ABCB5: variants seen among roughly 807,000 people sequenced by gnomAD.
The protein encoded by ABCB5 is ATP binding cassette subfamily B member 5, also known as ATP-binding cassette sub-family B member 5.
In ABCB5, 155 loss-of-function variants were observed where a neutral mutation model predicts 144.2. The ratio of observed to expected loss-of-function variants is 1.08; its 90% CI spans 0.94 to 1.23. The LOEUF (loss-of-function observed/expected upper bound fraction) is 1.23. ABCB5 is among the 50% of genes most tolerant of loss of function. The pLI is 0.00. For synonymous variants in ABCB5, 610 were observed against 528.6 expected (o/e 1.15, Z -2.11); for missense variants, 1,830 against 1,520.8 (o/e 1.20, Z -3.38).
intron 5 of ABCB5, among the ~76,000 whole-genome samples, chr7:20,635,688 T>C (rs966593745): frequency 2.6e-5 from 4 of 152,134 alleles, no homozygotes; most frequent in Admixed American, 6.6e-5. Flanking sequence ...GATTTCTTGA[T>C]TTGATTCTCA....
chr7:20,718,618 G>C (rs554160537), intron 20 of ABCB5, among the ~76,000 whole-genome samples: 4 of 152,288 alleles, frequency 2.6e-5, no homozygotes, highest in South Asian at 4.1e-4. Flanking sequence ...CCCTGGGGGG[G>C]AGGGAGGATT....
intron 19 of ABCB5, among the ~76,000 whole-genome samples, chr7:20,701,589 A>G (rs1786629390): frequency 6.6e-6 from 1 of 152,182 alleles, no homozygotes; most frequent in Non-Finnish European, 1.5e-5. Context: ...TTGATGGTTA[A>G]TACTGGACAT....
At chr7:20,748,736 G>A (rs910141239) in intron 26 of ABCB5, among the ~76,000 whole-genome samples, 3 of 150,788 alleles carry the variant, frequency 2.0e-5, no homozygotes, top group Non-Finnish European at 4.4e-5. Context: ...CCAAATACAT[G>A]GCCACAGTGG....
chr7:20,702,153 G>A (rs1251325806), intron 19 of ABCB5, among the ~76,000 whole-genome samples: 3 of 152,184 alleles, frequency 2.0e-5, no homozygotes, highest in African/African-American at 7.2e-5. Context: ...TGAAAAGAAT[G>A]TTCTAAGTGT....
chr7:20,646,926 A>G (rs539464389), intron 9 of ABCB5, among the ~76,000 whole-genome samples: 2 of 152,286 alleles, frequency 1.3e-5, no homozygotes, highest in African/African-American at 4.8e-5. Flanking sequence ...TTGCTCCTCA[A>G]TTTATGTGTG....
Position 20,676,125 on chromosome 7 carries a change from TA to T in ABCB5, c.1708-5375del, listed in dbSNP as rs1268379249. On this transcript the variant is annotated intron_variant, in intron 14 of 27. Transcript: ENST00000404938. ...ACAGTATGGAGGTTCCAGAAATAATTAAAAATAGAATTACCATGTGACCCAG... is the reference window on the plus strand; with the variant it reads ...ACAGTATGGAGGTTCCAGAAATAATTAAAATAGAATTACCATGTGACCCAG... Among the ~76,000 whole-genome samples, 19 of 150,062 alleles carry T rather than the reference TA, an allele frequency of 1.3e-4. 1 individual carries two copies. The South Asian group carries it at 2.5e-3, about 20-fold the overall frequency.
At chr7:20,656,566 T>C (rs931512324) in intron 13 of ABCB5, among the ~76,000 whole-genome samples, 1 of 152,182 alleles carries the variant, frequency 6.6e-6, no homozygotes, top group Non-Finnish European at 1.5e-5. Context: ...TGAGATACCA[T>C]TTTACACTCT....
intron 5 of ABCB5, among the ~76,000 whole-genome samples, chr7:20,640,844 AC>A (rs1339740500): frequency 6.6e-6 from 1 of 151,996 alleles, no homozygotes; most frequent in Non-Finnish European, 1.5e-5. Flanking sequence ...TTGGTACTTC[AC>A]TCTCCTGGAT....
intron 20 of ABCB5, among the ~76,000 whole-genome samples, chr7:20,717,339 G>T (rs1781706923): frequency 6.6e-6 from 1 of 151,924 alleles, no homozygotes; most frequent in Non-Finnish European, 1.5e-5. Flanking sequence ...GCACGATTGG[G>T]TTTTACTCCG....
In ABCB5 at chr7:20,640,673, A is replaced by G. The variant is rs372229867; in HGVS notation, c.315-2511A>G. 5.9e-5 allele frequency among the ~76,000 whole-genome samples: 9 copies of G among 152,354 alleles called. No individual in the cohort carries two copies. In the East Asian group the frequency reaches 1.2e-3, roughly 20 times the overall value. On this transcript the variant is annotated intron_variant, in intron 5 of 27. Transcript: ENST00000404938. ...AGGCAGAGTACGTGTGCATCAGGCA[A>G]ACCAAATTTTTGGCCACTCTGTGCA...
intron 14 of ABCB5, among the ~76,000 whole-genome samples, chr7:20,679,036 T>A (rs549927187): frequency 2.0e-5 from 3 of 152,024 alleles, no homozygotes; most frequent in Non-Finnish European, 2.9e-5. Context: ...AGGTAAAACA[T>A]AGGAAAACAT....
At chr7:20,748,898 C>T (rs918335698) in intron 26 of ABCB5, among the ~76,000 whole-genome samples, 1 of 152,114 alleles carries the variant, frequency 6.6e-6, no homozygotes, top group African/African-American at 2.4e-5. Flanking sequence ...TTTTAATTCT[C>T]TCCAAGAATT....
At chr7:20,737,470 G>A (rs1174843742) in intron 23 of ABCB5, among the ~76,000 whole-genome samples, 1 of 152,116 alleles carries the variant, frequency 6.6e-6, no homozygotes, top group African/African-American at 2.4e-5. Context: ...ATTTTCAGAG[G>A]GACCTAACAA....
rs144309913 is a variant in ABCB5 at position 20,686,063 on chromosome 7, A to C, written c.2010+227A>C. Among the ~76,000 whole-genome samples the C allele has an allele frequency of 2.9e-3, 435 of 152,296 alleles. 3 individuals are homozygous for C. Among genetic ancestry groups the C allele is most frequent in the African/African-American group, 9.7e-3 (402 of 41,570 alleles). The stretch of plus-strand genomic sequence containing the variant: ...GCCCTTCTTTATTGGGGAAAAAAAA[A>C]TCTCGTGAGACTGTTACATGATGTT... On this transcript the variant is annotated intron_variant, in intron 16 of 27. Coordinates refer to ENST00000404938, the MANE Select transcript of ABCB5 (RefSeq NM_001163941.2).
intron 17 of ABCB5, among the ~76,000 whole-genome samples, chr7:20,699,154 TTAAC>T (rs1377029375): frequency 8.5e-5 from 13 of 152,210 alleles, no homozygotes; most frequent in Non-Finnish European, 1.8e-4. Context: ...CAGGTACTAC[TTAAC>T]TAGAAGACTA....
intron 26 of ABCB5, 72 bp downstream of exon 26, chr7:20,745,510 T>C (rs1198519376): frequency 2.2e-6 from 3 of 1,347,382 alleles, no homozygotes; most frequent in Admixed American, 1.9e-5. Context: ...GCCTATGCAG[T>C]TGTTTTTATG....
intron 16 of ABCB5, among the ~76,000 whole-genome samples, chr7:20,691,382 GA>G (rs1354346307): frequency 6.6e-6 from 1 of 151,548 alleles, no homozygotes; most frequent in Admixed American, 6.6e-5. Flanking sequence ...GAACTTCTCA[GA>G]AAGAGAAAAG....
chr7:20,660,253 GA>G, intron 14 of ABCB5: 2 of 985,232 alleles, frequency 2.0e-6, no homozygotes, highest in Non-Finnish European at 2.4e-6. Flanking sequence ...TAGCAACTGT[GA>G]AAAAAATGAA....
chr7:20,663,892 T>G (rs1265216547), intron 14 of ABCB5, among the ~76,000 whole-genome samples: 1 of 151,984 alleles, frequency 6.6e-6, no homozygotes, highest in African/African-American at 2.4e-5. Flanking sequence ...ATTTTTATAT[T>G]TTTGGTAGAA....
Sources: gnomAD v4.1 joint callset for allele counts (sites outside exome capture counted in the v4.1 genomes callset) on GRCh38, gnomAD v4.1.1 for gene constraint, MANE v1.5 for transcripts, NCBI Gene and HGNC (gene_info 2026-07-23, HGNC 2026-07-21) for gene names.